Variants in DOCK9 observed in about 807,000 individuals in gnomAD.
DOCK9 encodes the protein dedicator of cytokinesis protein 9.
Under a neutral mutation model 263.3 loss-of-function variants are expected in DOCK9, and 89 were observed. The ratio of observed to expected loss-of-function variants is 0.34; its 90% CI spans 0.28 to 0.40. The LOEUF is 0.40. Ranked by LOEUF, DOCK9 falls within the 10% of genes least tolerant of loss-of-function variation. The pLI is 1.00. For missense variants in DOCK9, 2,140 were observed against 2,603.4 expected (o/e 0.82, Z 3.87); for synonymous variants, 976 against 973.1 (o/e 1.00, Z -0.06).
intron 27 of DOCK9, chr13:98,871,701 C>T (rs1325644371): frequency 7.2e-5 from 11 of 152,390 alleles, no homozygotes; most frequent in Non-Finnish European, 1.5e-4. Flanking sequence ...GCCAAACCAA[C>T]CTCAACTCCC....
chr13:98,841,665 A>G (rs1288434028), intron 38 of DOCK9, among the ~76,000 whole-genome samples: 6 of 141,520 alleles, frequency 4.2e-5, no homozygotes, highest in Admixed American at 7.8e-5. Flanking sequence ...TTTGTCACCC[A>G]GGCTGGAGTG....
chr13:98,983,134 T>C (rs1252640953), intron 1 of DOCK9, among the ~76,000 whole-genome samples: 1 of 152,172 alleles, frequency 6.6e-6, no homozygotes, highest in Non-Finnish European at 1.5e-5. Flanking sequence ...AAAATATGCA[T>C]ACACACACAT....
chr13:98,854,696 A>T (rs2141653609), intron 34 of DOCK9: 1 of 152,230 alleles, frequency 6.6e-6, no homozygotes, highest in South Asian at 2.1e-4. Flanking sequence ...CCTCTTCAGC[A>T]CTGCGTATGA....
At chr13:98,996,729 G>A (rs2141779716) in intron 1 of DOCK9, among the ~76,000 whole-genome samples, 1 of 152,308 alleles carries the variant, frequency 6.6e-6, no homozygotes. Flanking sequence ...TGTATTTTAT[G>A]TGTGGCCCAG....
chr13:98,946,319 G>A (rs752398224), intron 2 of DOCK9, among the ~76,000 whole-genome samples: 4 of 152,072 alleles, frequency 2.6e-5, no homozygotes, highest in South Asian at 4.2e-4. Context: ...CAGGTAAGAG[G>A]GACAGACAAA....
At chr13:98,905,635 A>C (rs569756110) in intron 9 of DOCK9, among the ~76,000 whole-genome samples, 2 of 152,350 alleles carry the variant, frequency 1.3e-5, no homozygotes, top group Admixed American at 1.3e-4. Flanking sequence ...TTGAATGCCA[A>C]GGATTGGGGA....
At chr13:99,088,342 C>G (rs1020107722), upstream of DOCK9, 3 of 152,242 alleles carry the variant, frequency 2.0e-5, no homozygotes, top group Non-Finnish European at 2.9e-5. Flanking sequence ...GCCGGCCTTT[C>G]CCTGCCTCCC....
intron 1 of DOCK9, among the ~76,000 whole-genome samples, chr13:99,002,299 G>A (rs567454703): frequency 9.9e-5 from 15 of 152,166 alleles, no homozygotes; most frequent in African/African-American, 3.1e-4. Context: ...CACCCCTCAG[G>A]GGCCCTGCAA....
At chr13:98,802,313 T>C (rs2140008388) in intron 49 of DOCK9, among the ~76,000 whole-genome samples, 1 of 152,344 alleles carries the variant, frequency 6.6e-6, no homozygotes, top group Admixed American at 6.5e-5. Flanking sequence ...AATGGGAACA[T>C]GGTCAGTGTG....
chr13:99,071,184 T>C (rs1479468907), intron 1 of DOCK9, among the ~76,000 whole-genome samples: 2 of 152,006 alleles, frequency 1.3e-5, no homozygotes, highest in Non-Finnish European at 2.9e-5. Flanking sequence ...GCTCTTTTGC[T>C]CAGGCTGGAG....
At chr13:99,035,886 T>C (rs1372800526) in intron 1 of DOCK9, among the ~76,000 whole-genome samples, 2 of 152,154 alleles carry the variant, frequency 1.3e-5, no homozygotes, top group Non-Finnish European at 2.9e-5. Flanking sequence ...CTCCATAATC[T>C]GGGAGGGCCT....
At position 98,800,281 on chromosome 13, in the gene DOCK9, G is replaced by A; in HGVS notation, c.5916+7C>T. ...TGCTGCCCTCCGGCCTGCTGTGCCT[G>A]GCTCACCTGAACACTCACGCTGCCC... On this transcript the variant is annotated splice_region_variant and intron_variant, in intron 50 of 52. Coordinates refer to ENST00000682017, the MANE Select transcript of DOCK9 (RefSeq NM_001366683.2). 2 of 1,590,470 alleles carry A rather than the reference G, an allele frequency of 1.3e-6. No individual in the cohort carries two copies. The highest frequency in any genetic ancestry group is 1.7e-6 in the Non-Finnish European group (2 of 1,168,118).
At chr13:99,075,917 G>A (rs564540300) in intron 1 of DOCK9, among the ~76,000 whole-genome samples, 1 of 152,164 alleles carries the variant, frequency 6.6e-6, no homozygotes, top group East Asian at 1.9e-4. Flanking sequence ...ATTCAATAGA[G>A]GGGGGAAGTC....
At chr13:98,920,406 C>G (rs1163961531) in intron 7 of DOCK9, among the ~76,000 whole-genome samples, 2 of 152,082 alleles carry the variant, frequency 1.3e-5, no homozygotes, top group African/African-American at 4.8e-5. Flanking sequence ...TCTCAGTAAC[C>G]ATATTTGGTA....
chr13:99,044,503 C>A (rs1888768065), intron 1 of DOCK9, among the ~76,000 whole-genome samples: 1 of 152,160 alleles, frequency 6.6e-6, no homozygotes, highest in Non-Finnish European at 1.5e-5. Context: ...CTGATCAGGA[C>A]CACCACACCA....
At chr13:98,933,281 C>T (rs1384714073) in intron 2 of DOCK9, among the ~76,000 whole-genome samples, 2 of 151,980 alleles carry the variant, frequency 1.3e-5, no homozygotes, top group South Asian at 4.1e-4. Flanking sequence ...AATTATGGGA[C>T]ACTTTTCCAA....
intron 1 of DOCK9, among the ~76,000 whole-genome samples, chr13:98,996,911 G>A (rs771220908): frequency 1.2e-4 from 19 of 152,294 alleles, no homozygotes; most frequent in Admixed American, 4.6e-4. Context: ...CAAAAATGCG[G>A]ATCTTCTGAA....
chr13:98,915,653 C>CA (rs949901683), intron 7 of DOCK9, 150 bp from the exon 8 acceptor site: 14 of 636,526 alleles, frequency 2.2e-5, no homozygotes, highest in Non-Finnish European at 3.1e-5. Context: ...AAAGCCCCCC[C>CA]CCATGAAATC....
intron 1 of DOCK9, among the ~76,000 whole-genome samples, chr13:99,037,554 G>GT (rs1174245211): frequency 1.3e-5 from 2 of 152,158 alleles, no homozygotes; most frequent in Non-Finnish European, 2.9e-5. Context: ...TAATCTTGCA[G>GT]TTTTGTAAAA....
Sources: gnomAD v4.1 joint callset for allele counts (sites outside exome capture counted in the v4.1 genomes callset) on GRCh38, gnomAD v4.1.1 for gene constraint, MANE v1.5 for transcripts, NCBI Gene and HGNC (gene_info 2026-07-23, HGNC 2026-07-21) for gene names.